Variants in PIAS2 observed in about 807,000 individuals in gnomAD.
The protein encoded by PIAS2 is E3 SUMO-protein ligase PIAS2.
A neutral mutation model predicts 69.7 loss-of-function variants in PIAS2; 19 were observed. The ratio of observed to expected loss-of-function variants is 0.27; its 90% CI spans 0.19 to 0.40. The LOEUF (loss-of-function observed/expected upper bound fraction) is 0.40. Among genes scored for constraint, PIAS2 ranks in the 10% least tolerant of loss-of-function variants. The pLI is 1.00. For synonymous variants in PIAS2, 261 were observed against 263.2 expected (o/e 0.99, Z 0.08); for missense variants, 624 against 757.0 (o/e 0.82, Z 2.06).
intron 1 of PIAS2, among the ~76,000 whole-genome samples, chr18:46,897,371 G>A (rs139666531): frequency 2.4e-3 from 364 of 152,238 alleles, no homozygotes; most frequent in African/African-American, 8.3e-3. Flanking sequence ...CAAAGATCAC[G>A]GGGCCTTGTC....
intron 1 of PIAS2, among the ~76,000 whole-genome samples, chr18:46,913,681 C>G (rs1412674230): frequency 6.6e-6 from 1 of 152,042 alleles, no homozygotes; most frequent in Non-Finnish European, 1.5e-5. Context: ...ATGACTGCCA[C>G]CAGCAGACCA....
upstream of PIAS2, chr18:46,917,660 G>A (rs2058148554): frequency 3.1e-6 from 2 of 639,334 alleles, no homozygotes; most frequent in Non-Finnish European, 3.9e-6. Flanking sequence ...CCGCGGCTTG[G>A]CCCCGCTCGG....
chr18:46,868,437 G>A (rs1011343157), intron 2 of PIAS2, among the ~76,000 whole-genome samples: 5 of 151,910 alleles, frequency 3.3e-5, no homozygotes, highest in Admixed American at 6.6e-5. Context: ...TACCCTTCCC[G>A]CCTTTGCCGC....
chr18:46,835,793 A>C (rs1006647443), intron 9 of PIAS2, among the ~76,000 whole-genome samples: 4 of 152,216 alleles, frequency 2.6e-5, no homozygotes, highest in Non-Finnish European at 5.9e-5. Flanking sequence ...TGTATTTTCC[A>C]AATCTTACAT....
At chr18:46,917,100 C>T (rs978812329) in intron 1 of PIAS2, 1 of 989,850 alleles carries the variant, frequency 1.0e-6, no homozygotes, top group Non-Finnish European at 1.2e-6. Context: ...CAGGAGCCGG[C>T]TCGCCGCGGC....
At chr18:46,877,517 C>G (rs889146740) in intron 2 of PIAS2, among the ~76,000 whole-genome samples, 1 of 152,216 alleles carries the variant, frequency 6.6e-6, no homozygotes, top group South Asian at 2.1e-4. Context: ...GCCGAAACAG[C>G]TCTTCCCATC....
At chr18:46,842,884 A>G (rs560004319) in intron 8 of PIAS2, among the ~76,000 whole-genome samples, 13 of 152,176 alleles carry the variant, frequency 8.5e-5, no homozygotes, top group Admixed American at 2.6e-4. Flanking sequence ...AGCAATCCTC[A>G]TATCAAAAAA....
intron 3 of PIAS2, among the ~76,000 whole-genome samples, chr18:46,863,617 A>G (rs939101068): frequency 6.6e-6 from 1 of 152,226 alleles, no homozygotes; most frequent in African/African-American, 2.4e-5. Context: ...CATTTAAAAA[A>G]TTATTGCCAA....
chr18:46,862,157 C>T (rs1381692970), intron 3 of PIAS2, among the ~76,000 whole-genome samples: 1 of 152,072 alleles, frequency 6.6e-6, no homozygotes, highest in Non-Finnish European at 1.5e-5. Context: ...GTGGTGAAAC[C>T]CCGTCTCTAC....
At position 46,887,415 on chromosome 18, in the gene PIAS2, T is replaced by C. The variant is rs780717963; in HGVS notation, c.499+3165A>G. Among the ~76,000 whole-genome samples the C allele has an allele frequency of 2.8e-4, 43 of 152,234 alleles. No homozygotes were observed. The South Asian group carries it at 2.9e-3, about 10-fold the overall frequency. ...AAAAGCACACTGATATGTTTAAGTG[T>C]TTTCACATGACTGAAAATAAAAAGG... On this transcript the variant is annotated intron_variant, in intron 2 of 13. Coordinates refer to ENST00000585916, the MANE Select transcript of PIAS2 (RefSeq NM_004671.5).
chr18:46,906,722 C>T (rs1429758503), intron 1 of PIAS2, among the ~76,000 whole-genome samples: 1 of 141,824 alleles, frequency 7.1e-6, no homozygotes, highest in African/African-American at 2.7e-5. Flanking sequence ...AGCTAATTTA[C>T]AGATTCAGTG....
intron 2 of PIAS2, among the ~76,000 whole-genome samples, chr18:46,883,455 C>A (rs950267611): frequency 2.6e-5 from 4 of 152,054 alleles, no homozygotes; most frequent in African/African-American, 9.7e-5. Context: ...GTAATCCCAG[C>A]ACTTTGGGGG....
chr18:46,916,423 G>A (rs1485335549), intron 1 of PIAS2, among the ~76,000 whole-genome samples: 1 of 151,650 alleles, frequency 6.6e-6, no homozygotes, highest in Non-Finnish European at 1.5e-5. Context: ...AAAAATCAGG[G>A]TTTCTGTCCG....
intron 10 of PIAS2, among the ~76,000 whole-genome samples, chr18:46,828,923 C>T (rs551699712): frequency 1.4e-4 from 21 of 152,122 alleles, no homozygotes; most frequent in Non-Finnish European, 2.5e-4. Context: ...TGAGAGAAAC[C>T]TTGGTCACTG....
chr18:46,815,375 G>T lies in PIAS2; in HGVS notation c.1649-26C>A, dbSNP rs773262788. On this transcript the variant is annotated intron_variant, in intron 12 of 13. Coordinates refer to ENST00000585916, the MANE Select transcript of PIAS2 (RefSeq NM_004671.5). ...CTAAAACAAAAATGCTTTGTTAATA[G>T]TTGTCTCATATTTTGGGAGACCAGA... 8 of 1,609,538 alleles carry T rather than the reference G, an allele frequency of 5.0e-6. No individual in the cohort carries two copies. In the East Asian group the frequency reaches 1.6e-4, roughly 32 times the overall value.
intron 1 of PIAS2, 139 bp downstream of exon 1, chr18:46,917,183 C>A: frequency 8.5e-7 from 1 of 1,181,922 alleles, no homozygotes; most frequent in Non-Finnish European, 1.1e-6. Context: ...CCTCGGCGCC[C>A]GTTCGTCCGC....
chr18:46,806,353 C>CTTCTTTTT lies in PIAS2; in HGVS notation c.*6079_*6080insAAAAAGAA, dbSNP rs2040685565. The CTTCTTTTT allele has an allele frequency of 1.7e-5, 1 of 60,176 alleles. No homozygotes were observed. Among genetic ancestry groups the CTTCTTTTT allele is most frequent in the Non-Finnish European group, 3.2e-5 (1 of 30,792 alleles). 3.7% of individuals were successfully genotyped at this position (60,176 alleles called of 1,614,324 possible). On this transcript the variant is annotated 3_prime_UTR_variant, in exon 14 of 14. Coordinates refer to ENST00000585916, the MANE Select transcript of PIAS2 (RefSeq NM_004671.5). ...AAAATTCTTTGCACAATGCCTGTTACTTTTTTTTTTTTTTTTTTTTTTTTT... is the reference window on the plus strand; with the variant it reads ...AAAATTCTTTGCACAATGCCTGTTACTTCTTTTTTTTTTTTTTTTTTTTTTTTTTTTTT...
upstream of PIAS2, among the ~76,000 whole-genome samples, chr18:46,918,398 C>G (rs1448766633): frequency 1.3e-5 from 2 of 152,198 alleles, no homozygotes; most frequent in Non-Finnish European, 2.9e-5. Flanking sequence ...CACTACCCCT[C>G]GTTTCATCCG....
At chr18:46,818,441 T>C (rs149557512) in intron 12 of PIAS2, 2 of 1,575,406 alleles carry the variant, frequency 1.3e-6, no homozygotes, top group African/African-American at 2.7e-5. Flanking sequence ...ATTTCTTCTT[T>C]GTTCTCCTGC....
Sources: allele counts gnomAD v4.1 joint callset (sites outside exome capture counted in the v4.1 genomes callset), GRCh38; gene constraint gnomAD v4.1.1; transcripts MANE v1.5; gene names NCBI Gene and HGNC (gene_info 2026-07-23, HGNC 2026-07-21).